Variants in MAPKAPK5 observed in about 807,000 individuals in gnomAD.
MAPKAPK5 encodes the protein MAP kinase-activated protein kinase 5.
In MAPKAPK5, 30 loss-of-function variants were observed where a neutral mutation model predicts 65.1. The observed-to-expected ratio is 0.46, with a 90% CI of 0.34 to 0.63. MAPKAPK5 has a LOEUF of 0.63. Ranked by LOEUF, MAPKAPK5 falls within the 20% of genes least tolerant of loss-of-function variation. The pLI, the probability that MAPKAPK5 is intolerant of heterozygous loss-of-function variation, is 0.01. For synonymous variants in MAPKAPK5, 179 were observed against 204.6 expected, an observed-to-expected ratio of 0.87 and a Z score of 1.07; for missense variants, 433 against 581.4, an observed-to-expected ratio of 0.74 and a Z score of 2.63.
chr12:111,887,436 G>T (rs1439149565), intron 10 of MAPKAPK5: 1 of 152,188 alleles, frequency 6.6e-6, no homozygotes, highest in Non-Finnish European at 1.5e-5. Flanking sequence ...GTTTTGAGAG[G>T]CTGAGGCAGG....
chr12:111,889,767 A>C, intron 12 of MAPKAPK5: 1 of 336,304 alleles, frequency 3.0e-6, no homozygotes, highest in Non-Finnish European at 5.7e-6. Flanking sequence ...TTGTTCAGCA[A>C]TAGAGTCTGC....
At chr12:111,855,435 A>T (rs1279831983) in intron 1 of MAPKAPK5, among the ~76,000 whole-genome samples, 2 of 152,128 alleles carry the variant, frequency 1.3e-5, no homozygotes, top group African/African-American at 2.4e-5. Flanking sequence ...CTTCAACTTC[A>T]TCTCATTATT....
At chr12:111,865,893 C>T (rs949264964) in intron 2 of MAPKAPK5, among the ~76,000 whole-genome samples, 1 of 150,602 alleles carries the variant, frequency 6.6e-6, no homozygotes, top group African/African-American at 2.4e-5. Flanking sequence ...GTGAGAGTCA[C>T]CTATAGCCAG....
Position 111,883,800 on chromosome 12 carries a change from A to G in MAPKAPK5, c.848+32A>G, listed in dbSNP as rs374331855. On this transcript the variant is annotated intron_variant, in intron 9 of 13. Transcript: ENST00000550735. This position sits in a 1 kb window ranked among gnomAD's most constrained non-coding sequence, Gnocchi z 4.8. ...TCACGGGCTGCTGGGCATGGAGGCC[A>G]AGGAGGCCTCCAGGTGGTGGAGCAC... The G allele has an allele frequency of 6.2e-7, 1 of 1,602,342 alleles. No individual in the cohort carries two copies.
intron 8 of MAPKAPK5, 60 bp downstream of exon 8, chr12:111,880,587 GT>G (rs2070164383): frequency 2.7e-6 from 4 of 1,481,296 alleles, no homozygotes; most frequent in Non-Finnish European, 2.8e-6. Flanking sequence ...TTAGTGAGGT[GT>G]TTGTGGCCCT....
chr12:111,864,269 C>T (rs963000743), intron 1 of MAPKAPK5, among the ~76,000 whole-genome samples: 8 of 151,972 alleles, frequency 5.3e-5, no homozygotes, highest in Non-Finnish European at 4.4e-5. Flanking sequence ...TCGGTCTTCT[C>T]GGCTCACTGC....
At chr12:111,855,457 G>A (rs2069204152) in intron 1 of MAPKAPK5, among the ~76,000 whole-genome samples, 1 of 152,128 alleles carries the variant, frequency 6.6e-6, no homozygotes, top group Non-Finnish European at 1.5e-5. Context: ...TTGGCAAATT[G>A]TGTTTGCATT....
At chr12:111,871,476 T>TA (rs979021497) in intron 7 of MAPKAPK5, among the ~76,000 whole-genome samples, 2 of 151,452 alleles carry the variant, frequency 1.3e-5, no homozygotes, top group African/African-American at 2.4e-5. Flanking sequence ...CTGTCTCTAC[T>TA]AAAAAAAATA....
At chr12:111,861,564 G>A (rs1035614724) in intron 1 of MAPKAPK5, among the ~76,000 whole-genome samples, 1 of 152,104 alleles carries the variant, frequency 6.6e-6, no homozygotes, top group Non-Finnish European at 1.5e-5. Flanking sequence ...CTGACCTCAT[G>A]ATCTGCCTGC....
In MAPKAPK5 at chr12:111,894,037, A is replaced by ATGTTTGTT. The variant is rs770120883; in HGVS notation, c.*990_*997dup. The ATGTTTGTT allele has an allele frequency of 6.4e-6, 1 of 156,396 alleles. No individual in the cohort carries two copies. Among genetic ancestry groups the ATGTTTGTT allele is most frequent in the Admixed American group, 6.6e-5 (1 of 15,228 alleles). 9.7% of individuals were successfully genotyped at this position (156,396 alleles called of 1,614,324 possible). On this transcript the variant is annotated 3_prime_UTR_variant, in exon 14 of 14. Coordinates refer to ENST00000550735, the MANE Select transcript of MAPKAPK5 (RefSeq NM_003668.4). ...GGCCTTGGGTTTATTCTTTCTTTAT[A>ATGTTTGTT]TGTTTGTTTGTTTGTTTGTTTTGAG...
chr12:111,871,862 C>T (rs2069796567), intron 7 of MAPKAPK5, among the ~76,000 whole-genome samples: 1 of 152,164 alleles, frequency 6.6e-6, no homozygotes, highest in African/African-American at 2.4e-5. Context: ...TAACCCCTGG[C>T]CCTAGGCAAC....
Position 111,899,665 on chromosome 12 carries a change from G to A in MAPKAPK5, c.*6604G>A, listed in dbSNP as rs1345515727. 4.7e-5 allele frequency: 14 copies of A among 296,222 alleles called. No homozygotes were observed. The Admixed American group carries it at 5.9e-4, about 12-fold the overall frequency. 18.3% of individuals were successfully genotyped at this position (296,222 alleles called of 1,614,324 possible). A position where few individuals can be genotyped will look rare whatever the true frequency, so the allele number is the denominator to read the frequency against. ...TACAGTTACCACAATGGCCTCCTGG[G>A]GCAAGAATCGCCTTTCATCTCACAT... On this transcript the variant is annotated 3_prime_UTR_variant, in exon 14 of 14. Coordinates refer to ENST00000550735, the MANE Select transcript of MAPKAPK5 (RefSeq NM_003668.4).
intron 1 of MAPKAPK5, among the ~76,000 whole-genome samples, chr12:111,853,858 G>A (rs2069159162): frequency 6.6e-6 from 1 of 152,144 alleles, no homozygotes; most frequent in Admixed American, 6.6e-5. Flanking sequence ...TATCAGGAAT[G>A]GGTGTTGAGT....
At chr12:111,857,784 T>C (rs933320724) in intron 1 of MAPKAPK5, among the ~76,000 whole-genome samples, 3 of 152,220 alleles carry the variant, frequency 2.0e-5, no homozygotes, top group Non-Finnish European at 2.9e-5. Context: ...CTGGCTTGCA[T>C]TGTTTCTGAT....
At chr12:111,856,723 G>C (rs917658425) in intron 1 of MAPKAPK5, among the ~76,000 whole-genome samples, 2 of 151,962 alleles carry the variant, frequency 1.3e-5, no homozygotes, top group African/African-American at 4.8e-5. Flanking sequence ...CTCTTCTTTT[G>C]TGTTACTGTT....
At chr12:111,864,702 A>G (rs1280376416) in intron 1 of MAPKAPK5, among the ~76,000 whole-genome samples, 1 of 152,226 alleles carries the variant, frequency 6.6e-6, no homozygotes, top group Non-Finnish European at 1.5e-5. Context: ...GACAGAATAT[A>G]TCTGTACACA....
intron 13 of MAPKAPK5, among the ~76,000 whole-genome samples, chr12:111,890,426 C>A (rs6489819): frequency 0.27 from 40,688 of 151,694 alleles, 7,133 homozygotes; most frequent in East Asian, 0.85. Context: ...GTAAAAAAAA[C>A]CCCCAAATTT....
At chr12:111,864,347 C>T (rs1398140935) in intron 1 of MAPKAPK5, among the ~76,000 whole-genome samples, 2 of 152,038 alleles carry the variant, frequency 1.3e-5, no homozygotes, top group Admixed American at 1.3e-4. Flanking sequence ...ACTATAGGCA[C>T]GCGCCACCAC....
Position 111,883,567 on chromosome 12 carries a change from T to A in MAPKAPK5, c.661-14T>A. 6.2e-7 allele frequency: 1 copy of A among 1,609,830 alleles called. No individual in the cohort carries two copies. Among genetic ancestry groups the A allele is most frequent in the South Asian group, 1.1e-5 (1 of 90,480 alleles). Reference sequence around the variant, plus strand: ...GCTTCTGCTGTGAGTGACCATTTTCTTTTTTGCTTTCAGAGCTGTGACTTG... The same window carrying A: ...GCTTCTGCTGTGAGTGACCATTTTCATTTTTGCTTTCAGAGCTGTGACTTG... On this transcript the variant is annotated splice_polypyrimidine_tract_variant and intron_variant, in intron 8 of 13. Coordinates refer to ENST00000550735, the MANE Select transcript of MAPKAPK5 (RefSeq NM_003668.4). The surrounding 1 kb of genome is among the most constrained non-coding windows in gnomAD (Gnocchi z 4.8).
Sources: gnomAD v4.1 joint callset for allele counts (sites outside exome capture counted in the v4.1 genomes callset) on GRCh38, gnomAD v4.1.1 for gene constraint, Gnocchi (gnomAD v3.1) non-coding constraint, MANE v1.5 for transcripts, NCBI Gene and HGNC (gene_info 2026-07-23, HGNC 2026-07-21) for gene names.